Variants in OPCML observed in about 807,000 individuals in gnomAD.
OPCML encodes the protein opioid binding protein/cell adhesion molecule like.
A neutral mutation model predicts 37.8 loss-of-function variants in OPCML; 13 were observed. That is an observed-to-expected ratio of 0.34 (90% CI 0.22 to 0.55). The LOEUF is 0.55. Ranked by LOEUF, OPCML falls within the 20% of genes least tolerant of loss-of-function variation. OPCML has a pLI of 0.91. For missense variants in OPCML, 341 were observed against 435.6 expected (o/e 0.78, Z 1.93); for synonymous variants, 176 against 168.8 (o/e 1.04, Z -0.33).
At chr11:132,927,864 TTTAAG>T (rs1232272040) in intron 2 of OPCML, among the ~76,000 whole-genome samples, 2 of 152,074 alleles carry the variant, frequency 1.3e-5, no homozygotes, top group Non-Finnish European at 2.9e-5. Flanking sequence ...TTGTATGTAA[TTTAAG>T]TTGTTATCAA....
At chr11:132,557,276 A>C (rs1016568934) in intron 3 of OPCML, among the ~76,000 whole-genome samples, 5 of 152,206 alleles carry the variant, frequency 3.3e-5, no homozygotes, top group Admixed American at 3.3e-4. Context: ...GGTGGATTCC[A>C]AGGTCCTTTC....
chr11:132,444,074 C>T (rs888218601), intron 4 of OPCML, among the ~76,000 whole-genome samples: 11 of 152,160 alleles, frequency 7.2e-5, no homozygotes, highest in Non-Finnish European at 1.6e-4. Flanking sequence ...TGAGCTGTGT[C>T]GCAATGCAGA....
intron 1 of OPCML, among the ~76,000 whole-genome samples, chr11:133,136,577 G>A (rs1312669404): frequency 6.6e-6 from 1 of 152,092 alleles, no homozygotes; most frequent in African/African-American, 2.4e-5. Context: ...AGAGGTGGGA[G>A]GAAGGGCATT....
chr11:132,719,054 C>G (rs936239526), intron 2 of OPCML, among the ~76,000 whole-genome samples: 1 of 152,128 alleles, frequency 6.6e-6, no homozygotes, highest in Non-Finnish European at 1.5e-5. Flanking sequence ...CCCCAAAATA[C>G]GATGCCACAG....
At chr11:133,195,920 A>G (rs1014513368) in intron 1 of OPCML, among the ~76,000 whole-genome samples, 4 of 152,196 alleles carry the variant, frequency 2.6e-5, no homozygotes, top group Non-Finnish European at 5.9e-5. Flanking sequence ...ATAGACTACA[A>G]TATTTCTACC....
At chr11:132,495,388 G>C (rs755911023) in intron 4 of OPCML, among the ~76,000 whole-genome samples, 1 of 152,144 alleles carries the variant, frequency 6.6e-6, no homozygotes, top group Non-Finnish European at 1.5e-5. Context: ...GCATTTGTTG[G>C]GGGAAGACAT....
intron 2 of OPCML, among the ~76,000 whole-genome samples, chr11:132,758,925 T>A (rs1211241589): frequency 6.6e-6 from 1 of 152,194 alleles, no homozygotes; most frequent in East Asian, 1.9e-4. Context: ...CAGTATGATA[T>A]TGGTTGTGGG....
chr11:132,717,673 A>G (rs1008291567), intron 2 of OPCML, among the ~76,000 whole-genome samples: 2 of 152,234 alleles, frequency 1.3e-5, no homozygotes, highest in African/African-American at 4.8e-5. Context: ...CGAAACAAAC[A>G]ATCAAACTCA....
intron 1 of OPCML, among the ~76,000 whole-genome samples, chr11:133,490,942 A>G (rs1390187543): frequency 6.6e-6 from 1 of 152,218 alleles, no homozygotes; most frequent in African/African-American, 2.4e-5. Context: ...TCTTCTCACT[A>G]GAATGGAAGC....
chr11:132,995,533 CAT>C (rs1946867498), intron 1 of OPCML, among the ~76,000 whole-genome samples: 1 of 149,794 alleles, frequency 6.7e-6, no homozygotes, highest in Non-Finnish European at 1.5e-5. Flanking sequence ...TGATTGTGCT[CAT>C]ATGATTGAAG....
At chr11:133,276,055 C>A (rs994996414) in intron 1 of OPCML, among the ~76,000 whole-genome samples, 2 of 152,028 alleles carry the variant, frequency 1.3e-5, no homozygotes, top group Non-Finnish European at 2.9e-5. Context: ...TAAATTAATC[C>A]CTAGATTCAG....
chr11:132,859,579 G>A (rs1323170276), intron 2 of OPCML: 1 of 152,208 alleles, frequency 6.6e-6, no homozygotes, highest in Non-Finnish European at 1.5e-5. Context: ...TCTGCGTCCT[G>A]CAGAAAAGAT....
At chr11:132,554,133 G>T (rs543038650) in intron 3 of OPCML, among the ~76,000 whole-genome samples, 3 of 152,154 alleles carry the variant, frequency 2.0e-5, no homozygotes, top group Non-Finnish European at 4.4e-5. Flanking sequence ...ATCATTAAAC[G>T]TGAGGATGAG....
At chr11:132,568,273 T>C (rs1308367623) in intron 3 of OPCML, among the ~76,000 whole-genome samples, 4 of 152,142 alleles carry the variant, frequency 2.6e-5, no homozygotes, top group Admixed American at 6.5e-5. Context: ...TACTGTCATG[T>C]TATTAATAGA....
intron 1 of OPCML, among the ~76,000 whole-genome samples, chr11:133,289,551 C>G (rs1005227300): frequency 6.8e-6 from 1 of 146,150 alleles, no homozygotes; most frequent in Non-Finnish European, 1.5e-5. Context: ...GCCGAGATCC[C>G]GCCACTGCAC....
chr11:133,085,079 C>T (rs553115493), intron 1 of OPCML, among the ~76,000 whole-genome samples: 1 of 152,176 alleles, frequency 6.6e-6, no homozygotes, highest in Non-Finnish European at 1.5e-5. Context: ...GCTAAATGGA[C>T]TCCTTTATTT....
At chr11:132,686,329 C>A (rs1052109116) in intron 2 of OPCML, among the ~76,000 whole-genome samples, 2 of 152,190 alleles carry the variant, frequency 1.3e-5, no homozygotes, top group Non-Finnish European at 2.9e-5. Context: ...ATCTTCTAGG[C>A]TTTCTCAGTC....
At chr11:132,628,004 G>A (rs55916970) in intron 3 of OPCML, among the ~76,000 whole-genome samples, 1,943 of 152,174 alleles carry the variant, frequency 0.013, 45 homozygotes, top group African/African-American at 0.045. Flanking sequence ...AATCTAGGCT[G>A]AAATTTTTTT....
intron 4 of OPCML, among the ~76,000 whole-genome samples, chr11:132,520,674 A>ATATG (rs10630619): frequency 7.0e-5 from 9 of 128,098 alleles, no homozygotes; most frequent in East Asian, 4.6e-4. Flanking sequence ...CTAAATATAT[A>ATATG]TGTGTGTGTG....
Sources: gnomAD v4.1 joint callset for allele counts (sites outside exome capture counted in the v4.1 genomes callset) on GRCh38, gnomAD v4.1.1 for gene constraint, MANE v1.5 for transcripts, NCBI Gene and HGNC (gene_info 2026-07-23, HGNC 2026-07-21) for gene names.